The following RTN3 variants were observed in gnomAD, a reference collection of about 807,000 sequenced individuals.
RTN3 encodes reticulon-3.
RTN3 carries 49 observed loss-of-function variants against 77.8 expected under a neutral mutation model. The ratio of observed to expected loss-of-function variants is 0.63; its 90% CI spans 0.50 to 0.80. RTN3 has a LOEUF of 0.80. Among genes scored for constraint, RTN3 ranks in the 30% least tolerant of loss-of-function variants. The pLI, the probability that RTN3 is intolerant of heterozygous loss-of-function variation, is 0.00. For synonymous variants in RTN3, 464 were observed against 446.9 expected, an observed-to-expected ratio of 1.04 and a Z score of -0.48; for missense variants, 1,236 against 1,211.9, an observed-to-expected ratio of 1.02 and a Z score of -0.29.
intron 1 of RTN3, among the ~76,000 whole-genome samples, chr11:63,691,114 C>CTTTTTTTTTTT (rs796809025): frequency 4.4e-5 from 4 of 91,878 alleles, no homozygotes; most frequent in Admixed American, 1.4e-4. Flanking sequence ...ATTGCTAATT[C>CTTTTTTTTTTT]TTTTTTTTTT....
chr11:63,710,022 C>T (rs1207290704), intron 2 of RTN3, among the ~76,000 whole-genome samples: 3 of 152,120 alleles, frequency 2.0e-5, no homozygotes, highest in Admixed American at 6.5e-5. Context: ...ATATAACATT[C>T]CTTATTCCTT....
chr11:63,758,114 A>G (rs1176268282), intron 8 of RTN3, 42 bp from the exon 9 acceptor site: 3 of 1,382,212 alleles, frequency 2.2e-6, no homozygotes, highest in Non-Finnish European at 3.0e-6. Flanking sequence ...GCAAATGCTA[A>G]TGTTTTCACT....
At chr11:63,694,716 C>T (rs1941847821) in intron 1 of RTN3, among the ~76,000 whole-genome samples, 1 of 152,180 alleles carries the variant, frequency 6.6e-6, no homozygotes, top group South Asian at 2.1e-4. Context: ...CCTCAGCCTC[C>T]CAACGTGCTG....
chr11:63,731,360 G>T (rs1565330650), intron 3 of RTN3, among the ~76,000 whole-genome samples: 1 of 152,046 alleles, frequency 6.6e-6, no homozygotes, highest in Non-Finnish European at 1.5e-5. Context: ...GATTATAGAT[G>T]TGAGCCACTG....
intron 7 of RTN3, among the ~76,000 whole-genome samples, chr11:63,754,801 C>T (rs1474613488): frequency 6.7e-6 from 1 of 149,246 alleles, no homozygotes; most frequent in East Asian, 2.0e-4. Context: ...GTGGCGGGCG[C>T]CTGTAGTCCC....
intron 3 of RTN3, among the ~76,000 whole-genome samples, chr11:63,722,566 A>T (rs964245915): frequency 1.3e-5 from 2 of 152,180 alleles, no homozygotes; most frequent in Non-Finnish European, 1.5e-5. Context: ...TGAATGAATG[A>T]TATGAATTAT....
At chr11:63,748,952 G>A (rs1321496761) in intron 3 of RTN3, among the ~76,000 whole-genome samples, 1 of 151,824 alleles carries the variant, frequency 6.6e-6, no homozygotes, top group Non-Finnish European at 1.5e-5. Context: ...ACAGGCGTGA[G>A]CCACCATGCC....
intron 2 of RTN3, among the ~76,000 whole-genome samples, chr11:63,712,483 A>ATTTTTT (rs34923509): frequency 1.1e-5 from 1 of 90,396 alleles, no homozygotes; most frequent in African/African-American, 4.1e-5. Context: ...AAGGACTTTG[A>ATTTTTT]TTTTTTTTTT....
At chr11:63,692,772 AAC>A (rs1158666439) in intron 1 of RTN3, among the ~76,000 whole-genome samples, 2 of 152,174 alleles carry the variant, frequency 1.3e-5, no homozygotes, top group Non-Finnish European at 2.9e-5. Context: ...AAAAAAAAAA[AAC>A]ACCTTCAGAA....
intron 1 of RTN3, among the ~76,000 whole-genome samples, chr11:63,685,866 ATTAG>A (rs1303681445): frequency 6.6e-6 from 1 of 152,188 alleles, no homozygotes; most frequent in East Asian, 1.9e-4. Flanking sequence ...TTTTAGAAGT[ATTAG>A]TTACTATATA....
rs1269502370 is a variant in RTN3 at position 63,718,499 on chromosome 11, T to C, written c.200-203T>C. 2.6e-5 allele frequency among the ~76,000 whole-genome samples: 4 copies of C among 152,224 alleles called. No homozygotes were observed. In the East Asian group the frequency reaches 7.7e-4, roughly 29 times the overall value. ...AGTTTGTGGCATGATATGGCTTTTC[T>C]GTTTCACTGTTGGCAGTTTTATGCA... On this transcript the variant is annotated intron_variant, in intron 2 of 8. Coordinates refer to ENST00000377819, the MANE Select transcript of RTN3 (RefSeq NM_001265589.2).
At chr11:63,742,855 TTATATA>T (rs999239813) in intron 3 of RTN3, among the ~76,000 whole-genome samples, 6 of 151,758 alleles carry the variant, frequency 4.0e-5, no homozygotes, top group African/African-American at 9.7e-5. Context: ...ATACCTAAGT[TTATATA>T]TATATATTTT....
intron 3 of RTN3, among the ~76,000 whole-genome samples, chr11:63,723,254 T>C (rs553387639): frequency 1.3e-5 from 2 of 152,280 alleles, no homozygotes; most frequent in East Asian, 3.9e-4. Flanking sequence ...CCAAGAAGTT[T>C]AAAGGCCTTT....
Position 63,719,394 on chromosome 11 carries a change from A to C in RTN3, c.892A>C (p.Arg298=). The change falls in exon 3 of 9, where the codon AGA becomes CGA. Residue 298 remains arginine, a synonymous_variant. Coordinates refer to ENST00000377819, the MANE Select transcript of RTN3 (RefSeq NM_001265589.2). ...SETNDKLFPL[R]NKEAGRYPMS... is the part of the protein sequence containing the mutation. Reference sequence around the variant, plus strand: ...GACTAATGACAAGCTTTTTCCACTGAGAAATAAAGAGGCAGGACGTTACCC... The same window carrying C: ...GACTAATGACAAGCTTTTTCCACTGCGAAATAAAGAGGCAGGACGTTACCC... 3 of 1,614,186 alleles carry C rather than the reference A, an allele frequency of 1.9e-6. No individual in the cohort carries two copies. The highest frequency in any genetic ancestry group is 2.2e-5 in the South Asian group (2 of 91,082).
intron 3 of RTN3, among the ~76,000 whole-genome samples, chr11:63,735,550 T>TTCTCCCTCTCTCTCTC (rs2013034774): frequency 4.7e-5 from 2 of 42,734 alleles, no homozygotes; most frequent in East Asian, 6.6e-4. Flanking sequence ...ATTCTAACAT[T>TTCTCCCTCTCTCTCTC]TCTCTCTCTC....
intron 2 of RTN3, among the ~76,000 whole-genome samples, chr11:63,718,159 G>A (rs2011511017): frequency 6.6e-6 from 1 of 152,072 alleles, no homozygotes; most frequent in African/African-American, 2.4e-5. Flanking sequence ...TTCAGATTCA[G>A]GAAGGGCCCA....
chr11:63,738,933 G>A (rs2013305223), intron 3 of RTN3, among the ~76,000 whole-genome samples: 1 of 152,190 alleles, frequency 6.6e-6, no homozygotes, highest in Non-Finnish European at 1.5e-5. Context: ...ACCATTGGAT[G>A]TGTTAGTGCC....
intron 2 of RTN3, among the ~76,000 whole-genome samples, chr11:63,714,774 A>G (rs2011298914): frequency 6.6e-6 from 1 of 152,114 alleles, no homozygotes; most frequent in Non-Finnish European, 1.5e-5. Flanking sequence ...GTGCCTCCCA[A>G]AGTTCTAAGA....
rs1305806998 is a variant in RTN3, at chr11:63,704,831, T to C, written c.143-20T>C. On this transcript the variant is annotated intron_variant, in intron 1 of 8. Coordinates refer to ENST00000377819, the MANE Select transcript of RTN3 (RefSeq NM_001265589.2). ...CCTGTGTGAGGTTGTCATATTCTCA[T>C]GCTGTATATTTTCTTTCAGATTCCT... The C allele has an allele frequency of 1.9e-6, 3 of 1,576,288 alleles. No individual in the cohort carries two copies. Among genetic ancestry groups the C allele is most frequent in the East Asian group, 2.2e-5 (1 of 44,632 alleles).
Sources: allele counts gnomAD v4.1 joint callset (sites outside exome capture counted in the v4.1 genomes callset), GRCh38; gene constraint gnomAD v4.1.1; transcripts MANE v1.5; gene names NCBI Gene and HGNC (gene_info 2026-07-23, HGNC 2026-07-21).